Variants in LNX2 observed in about 807,000 individuals in gnomAD.
The protein encoded by LNX2 is ligand of Numb protein X 2.
In LNX2, 35 loss-of-function variants were observed where a neutral mutation model predicts 66.2. The ratio of observed to expected loss-of-function variants is 0.53; its 90% CI spans 0.40 to 0.70. LNX2 has a LOEUF of 0.70. LNX2 is among the 30% of genes least tolerant of loss of function. LNX2 has a pLI of 0.00. For synonymous variants in LNX2, 337 were observed against 315.6 expected (o/e 1.07, Z -0.72); for missense variants, 791 against 850.8 (o/e 0.93, Z 0.87).
intron 1 of LNX2, among the ~76,000 whole-genome samples, chr13:27,595,459 G>C (rs895238076): frequency 4.2e-5 from 6 of 141,456 alleles, no homozygotes; most frequent in Non-Finnish European, 6.1e-5. Context: ...TAAACCTGAG[G>C]AAAGGGAATA....
In LNX2 at chr13:27,567,649, C is replaced by A. The variant is rs1486146880; in HGVS notation, c.846G>T (p.Gln282His). The change falls in exon 4 of 10, where the codon CAG becomes CAT. Residue 282 changes from glutamine (Q) to histidine (H), a missense_variant. Coordinates refer to ENST00000316334, the MANE Select transcript of LNX2 (RefSeq NM_153371.4). ...TAATTAAAACTGATACCTGAAGAAT[C>A]TGGTCTCCAGCAAGAAGTCTCCCGT... ...ARDGRLLAGD[Q>H]ILQVNNYNIS... The A allele has an allele frequency of 1.9e-6, 3 of 1,613,714 alleles. No individual in the cohort carries two copies. Among genetic ancestry groups the A allele is most frequent in the Non-Finnish European group, 2.5e-6 (3 of 1,179,660 alleles).
intron 1 of LNX2, among the ~76,000 whole-genome samples, chr13:27,587,660 G>C (rs532799160): frequency 2.0e-5 from 3 of 152,264 alleles, no homozygotes; most frequent in African/African-American, 4.8e-5. Context: ...TTCCTTACTT[G>C]GTATCAACAC....
Position 27,581,277 on chromosome 13 carries a change from CTTTTA to C in LNX2, c.407+15_407+19del, listed in dbSNP as rs1186025341. The C allele has an allele frequency of 3.4e-6, 5 of 1,457,668 alleles. No individual in the cohort carries two copies. Among genetic ancestry groups the C allele is most frequent in the South Asian group, 3.1e-5 (2 of 63,996 alleles). 90.3% of individuals were successfully genotyped at this position (1,457,668 alleles called of 1,614,324 possible). A position where few individuals can be genotyped will look rare whatever the true frequency, so the allele number is the denominator to read the frequency against. On this transcript the variant is annotated intron_variant, in intron 2 of 9. Coordinates refer to ENST00000316334, the MANE Select transcript of LNX2 (RefSeq NM_153371.4). ...CTTTTTCCAAAATCTGGAGTTACTT[CTTTTA>C]TATTTTTTGCTTACCTGTTTTTGAG...
intron 4 of LNX2, among the ~76,000 whole-genome samples, chr13:27,566,115 G>A (rs903819585): frequency 6.6e-6 from 1 of 152,136 alleles, no homozygotes. Flanking sequence ...GCCTACATAC[G>A]TAAAATGTTC....
chr13:27,548,120 C>A lies in LNX2; in HGVS notation c.*215G>T. 2.0e-6 allele frequency: 1 copy of A among 503,734 alleles called. No individual in the cohort carries two copies. The highest frequency in any genetic ancestry group is 3.5e-6 in the Non-Finnish European group (1 of 285,940). 31.2% of individuals were successfully genotyped at this position (503,734 alleles called of 1,614,324 possible). A position where few individuals can be genotyped will look rare whatever the true frequency, so the allele number is the denominator to read the frequency against. Reference sequence around the variant, plus strand: ...TCTGAATTCTGAAAATATAAACTCACAAAGGTTAGTGGAAGACTGTTTCCA... The same window carrying A: ...TCTGAATTCTGAAAATATAAACTCAAAAAGGTTAGTGGAAGACTGTTTCCA... On this transcript the variant is annotated 3_prime_UTR_variant, in exon 10 of 10. Coordinates refer to ENST00000316334, the MANE Select transcript of LNX2 (RefSeq NM_153371.4).
intron 1 of LNX2, among the ~76,000 whole-genome samples, chr13:27,605,795 T>C (rs927120310): frequency 1.3e-5 from 2 of 152,176 alleles, no homozygotes; most frequent in African/African-American, 4.8e-5. Flanking sequence ...ATGATTAATA[T>C]TGGCAGTTGC....
intron 1 of LNX2, among the ~76,000 whole-genome samples, chr13:27,609,648 A>T (rs1955753083): frequency 6.6e-6 from 1 of 152,244 alleles, no homozygotes; most frequent in East Asian, 1.9e-4. Context: ...ATCATTTTAT[A>T]GGAAAAAAGT....
rs763060035 is a variant in LNX2 at position 27,581,749 on chromosome 13, C to T, written c.-46G>A. ...TCATGTGTTAGACTTCCACTTCACG[C>T]TTGGTTTCCTTTAACAGACAGTGAT... On this transcript the variant is annotated 5_prime_UTR_variant, in exon 2 of 10. Transcript: ENST00000316334. The T allele has an allele frequency of 1.5e-5, 23 of 1,506,668 alleles. No homozygotes were observed. The South Asian group carries it at 1.6e-4, about 10-fold the overall frequency. 93.3% of individuals were successfully genotyped at this position (1,506,668 alleles called of 1,614,324 possible).
chr13:27,593,612 G>A (rs1271918061), intron 1 of LNX2, among the ~76,000 whole-genome samples: 1 of 139,198 alleles, frequency 7.2e-6, no homozygotes, highest in Admixed American at 7.6e-5. Context: ...TTGTTGCTCA[G>A]GCTGGAGTGC....
At chr13:27,584,755 A>C (rs1244743334) in intron 1 of LNX2, among the ~76,000 whole-genome samples, 1 of 152,214 alleles carries the variant, frequency 6.6e-6, no homozygotes, top group East Asian at 1.9e-4. Flanking sequence ...ATAAATTAGG[A>C]GGTGGTGGCA....
intron 5 of LNX2, among the ~76,000 whole-genome samples, chr13:27,562,033 A>G (rs1376647728): frequency 1.3e-5 from 2 of 152,248 alleles, no homozygotes; most frequent in African/African-American, 2.4e-5. Context: ...CAGGGAGTTA[A>G]GAGACCAGGT....
At chr13:27,562,178 AGCCTAC>A (rs1470648390) in intron 5 of LNX2, among the ~76,000 whole-genome samples, 1 of 152,190 alleles carries the variant, frequency 6.6e-6, no homozygotes, top group African/African-American at 2.4e-5. Context: ...GAAACAGTAG[AGCCTAC>A]GCTCTGTAAA....
intron 8 of LNX2, among the ~76,000 whole-genome samples, chr13:27,552,061 T>TG (rs1827330629): frequency 6.6e-6 from 1 of 152,210 alleles, no homozygotes; most frequent in South Asian, 2.1e-4. Flanking sequence ...TCAACACAGG[T>TG]GGGCTCAAAA....
intron 2 of LNX2, 137 bp from the exon 3 acceptor site, chr13:27,569,413 C>G: frequency 1.2e-6 from 1 of 833,614 alleles, no homozygotes; most frequent in Non-Finnish European, 1.9e-6. Context: ...TAGTTCTGAT[C>G]CTAATCTCCA....
chr13:27,571,263 C>T (rs1955276425), intron 2 of LNX2, among the ~76,000 whole-genome samples: 1 of 152,004 alleles, frequency 6.6e-6, no homozygotes, highest in Admixed American at 6.6e-5. Flanking sequence ...CAAAAAGTGA[C>T]CAATAGTGCA....
At position 27,573,370 on chromosome 13, in the gene LNX2, C is replaced by G. The variant is rs140494461; in HGVS notation, c.408-4094G>C. ...GTTTCCTGTATGACTGTGTGCCTGTCTTTACTTGGCTTGACTCAGAGCTCA... is the reference window on the plus strand; with the variant it reads ...GTTTCCTGTATGACTGTGTGCCTGTGTTTACTTGGCTTGACTCAGAGCTCA... On this transcript the variant is annotated intron_variant, in intron 2 of 9. Transcript: ENST00000316334. Among the ~76,000 whole-genome samples the G allele has an allele frequency of 1.5e-3, 220 of 150,904 alleles. 1 individual carries two copies. Among genetic ancestry groups the G allele is most frequent in the African/African-American group, 5.0e-3 (206 of 41,022 alleles).
intron 1 of LNX2, among the ~76,000 whole-genome samples, chr13:27,616,367 C>T (rs1466752996): frequency 6.6e-6 from 1 of 152,000 alleles, no homozygotes; most frequent in African/African-American, 2.4e-5. Flanking sequence ...TAGTAGGCTT[C>T]GATAGGTGGT....
intron 2 of LNX2, among the ~76,000 whole-genome samples, chr13:27,570,216 C>T (rs1402954787): frequency 6.6e-6 from 1 of 152,154 alleles, no homozygotes. Flanking sequence ...CCTACCACGA[C>T]TCTACGGATG....
At chr13:27,587,982 C>A (rs1175163947) in intron 1 of LNX2, among the ~76,000 whole-genome samples, 1 of 134,926 alleles carries the variant, frequency 7.4e-6, no homozygotes, top group Admixed American at 8.5e-5. Flanking sequence ...GATGGCGCCA[C>A]TTCACTCCAG....
Sources: gnomAD v4.1 joint callset for allele counts (sites outside exome capture counted in the v4.1 genomes callset) on GRCh38, gnomAD v4.1.1 for gene constraint, MANE v1.5 for transcripts, NCBI Gene and HGNC (gene_info 2026-07-23, HGNC 2026-07-21) for gene names.